RABGAP1L: variants seen among roughly 807,000 people sequenced by gnomAD.
RABGAP1L encodes the protein rab GTPase-activating protein 1-like.
A neutral mutation model predicts 137.7 loss-of-function variants in RABGAP1L; 63 were observed. The observed-to-expected ratio is 0.46, with a 90% CI of 0.37 to 0.56. The LOEUF (loss-of-function observed/expected upper bound fraction) is 0.56, where lower values mean the gene tolerates loss of function less well. Ranked by LOEUF, RABGAP1L falls within the 20% of genes least tolerant of loss-of-function variation. The pLI is 0.00. For synonymous variants in RABGAP1L, 431 were observed against 433.7 expected (o/e 0.99, Z 0.08); for missense variants, 1,095 against 1,244.0 (o/e 0.88, Z 1.80).
At chr1:174,420,585 G>A (rs1161551100) in intron 13 of RABGAP1L, among the ~76,000 whole-genome samples, 1 of 151,842 alleles carries the variant, frequency 6.6e-6, no homozygotes. Context: ...ATTATCAAGA[G>A]GATTTATAAA....
chr1:174,779,995 G>C (rs912250911), intron 18 of RABGAP1L, among the ~76,000 whole-genome samples: 11 of 151,658 alleles, frequency 7.3e-5, no homozygotes, highest in Admixed American at 5.9e-4. Flanking sequence ...GAGCCCAGGA[G>C]GGGGAGATTG....
intron 14 of RABGAP1L, among the ~76,000 whole-genome samples, chr1:174,660,553 C>T (rs976639917): frequency 4.6e-5 from 7 of 152,182 alleles, no homozygotes; most frequent in African/African-American, 1.7e-4. Context: ...ACCTTGCTTC[C>T]AGTGGGTTTC....
intron 18 of RABGAP1L, among the ~76,000 whole-genome samples, chr1:174,804,258 T>TG (rs1264980028): frequency 1.2e-5 from 1 of 80,024 alleles, no homozygotes; most frequent in African/African-American, 2.8e-5. Flanking sequence ...TTTTTTTGTT[T>TG]GTTTTGTTTT....
At chr1:174,457,689 G>T (rs775502782) in intron 13 of RABGAP1L, among the ~76,000 whole-genome samples, 8 of 151,946 alleles carry the variant, frequency 5.3e-5, no homozygotes, top group Non-Finnish European at 1.0e-4. Context: ...TTGTAGTAGA[G>T]ACAGGGTTTG....
In RABGAP1L at chr1:174,848,829, C is replaced by T. The variant is rs1226211858; in HGVS notation, c.2340+36869C>T. On this transcript the variant is annotated intron_variant, in intron 19 of 25. Transcript: ENST00000681986. ...ATGGCGGGCGCCCCTCCCCCAGCTT[C>T]GCTGCCGCCTTGCAGTTTGATCTCA... Among the ~76,000 whole-genome samples the T allele has an allele frequency of 2.1e-3, 318 of 151,080 alleles. 4 individuals carry two copies. Among genetic ancestry groups the T allele is most frequent in the African/African-American group, 6.4e-3 (260 of 40,638 alleles).
intron 1 of RABGAP1L, among the ~76,000 whole-genome samples, chr1:174,217,883 A>G (rs55773127): frequency 0.012 from 1,867 of 152,294 alleles, 48 homozygotes; most frequent in African/African-American, 0.043. Flanking sequence ...GCCAAGAGTA[A>G]TGGTGTTAGT....
At chr1:174,678,195 A>G (rs1409138348) in intron 14 of RABGAP1L, among the ~76,000 whole-genome samples, 2 of 152,222 alleles carry the variant, frequency 1.3e-5, no homozygotes, top group Non-Finnish European at 2.9e-5. Flanking sequence ...TGAAACAAAA[A>G]GAAAATGAAA....
intron 10 of RABGAP1L, among the ~76,000 whole-genome samples, chr1:174,293,150 G>GT (rs1473265925): frequency 2.6e-5 from 4 of 151,270 alleles, no homozygotes; most frequent in Admixed American, 6.6e-5. Context: ...ATGAACAGTA[G>GT]TTTTTTTTGG....
chr1:174,906,866 G>A (rs946417507), intron 19 of RABGAP1L, among the ~76,000 whole-genome samples: 1 of 150,592 alleles, frequency 6.6e-6, no homozygotes, highest in Non-Finnish European at 1.5e-5. Context: ...TATAGGCCAT[G>A]AGGGGATGAA....
chr1:174,473,134 C>T (rs1010564737), intron 13 of RABGAP1L, among the ~76,000 whole-genome samples: 10 of 152,194 alleles, frequency 6.6e-5, no homozygotes, highest in Middle Eastern at 3.4e-3. Context: ...TGTTGCCATG[C>T]GTTTAAAGTC....
intron 13 of RABGAP1L, among the ~76,000 whole-genome samples, chr1:174,627,467 T>C (rs1673010836): frequency 6.6e-6 from 1 of 152,248 alleles, no homozygotes; most frequent in South Asian, 2.1e-4. Flanking sequence ...TACGTTATAC[T>C]GGGAGAACAG....
chr1:174,433,860 C>A (rs146185817), intron 13 of RABGAP1L, among the ~76,000 whole-genome samples: 1 of 152,158 alleles, frequency 6.6e-6, no homozygotes, highest in Non-Finnish European at 1.5e-5. Context: ...TTAGGGCTCT[C>A]ATTTCGTGGC....
intron 18 of RABGAP1L, among the ~76,000 whole-genome samples, chr1:174,804,282 T>TTTTTTTTTTG (rs1388968461): frequency 4.9e-5 from 7 of 143,170 alleles, no homozygotes; most frequent in Non-Finnish European, 6.1e-5. Flanking sequence ...TTGTTTTTTG[T>TTTTTTTTTTG]TTTTTTTTTT....
intron 19 of RABGAP1L, among the ~76,000 whole-genome samples, chr1:174,951,217 C>T (rs550283036): frequency 2.6e-5 from 4 of 152,304 alleles, no homozygotes; most frequent in Non-Finnish European, 4.4e-5. Flanking sequence ...TTTGGCACTA[C>T]GTCTAGACTG....
At chr1:174,423,400 T>C (rs937523754) in intron 13 of RABGAP1L, among the ~76,000 whole-genome samples, 8 of 152,206 alleles carry the variant, frequency 5.3e-5, no homozygotes, top group African/African-American at 1.9e-4. Flanking sequence ...AAATATCTTT[T>C]GGCAGCATCT....
intron 13 of RABGAP1L, among the ~76,000 whole-genome samples, chr1:174,406,278 C>G (rs910478271): frequency 7.2e-5 from 11 of 152,036 alleles, no homozygotes; most frequent in African/African-American, 2.7e-4. Flanking sequence ...AAAATATACT[C>G]TAAGTATTTT....
chr1:174,647,819 G>C (rs1310487625), intron 14 of RABGAP1L, among the ~76,000 whole-genome samples: 2 of 152,100 alleles, frequency 1.3e-5, no homozygotes, highest in Non-Finnish European at 2.9e-5. Flanking sequence ...GAATTCAACT[G>C]TGACTCCATC....
At position 174,567,838 on chromosome 1, in the gene RABGAP1L, A is replaced by G. The variant is rs138296238; in HGVS notation, c.1711-69537A>G. Among the ~76,000 whole-genome samples, 195 of 152,330 alleles carry G rather than the reference A, an allele frequency of 1.3e-3. 1 individual carries two copies. The highest frequency in any genetic ancestry group is 4.6e-3 in the African/African-American group (191 of 41,576). ...GTTTTTACAATAAGAAAGATGTCAC[A>G]CTGGTTAAACACATAGTTTTTGAGA... On this transcript the variant is annotated intron_variant, in intron 13 of 25. Coordinates refer to ENST00000681986, the MANE Select transcript of RABGAP1L (RefSeq NM_001366446.1).
chr1:174,550,478 TC>T (rs1666344351), intron 13 of RABGAP1L, among the ~76,000 whole-genome samples: 1 of 152,128 alleles, frequency 6.6e-6, no homozygotes, highest in Non-Finnish European at 1.5e-5. Flanking sequence ...TCAACGATAG[TC>T]CTAGGCTTCT....
Sources: gnomAD v4.1 joint callset for allele counts (sites outside exome capture counted in the v4.1 genomes callset) on GRCh38, gnomAD v4.1.1 for gene constraint, MANE v1.5 for transcripts, NCBI Gene and HGNC (gene_info 2026-07-23, HGNC 2026-07-21) for gene names.